Variants in EPS15 observed in about 807,000 individuals in gnomAD.
EPS15 encodes the protein epidermal growth factor receptor pathway substrate 15.
EPS15 carries 72 observed loss-of-function variants against 113.8 expected under a neutral mutation model. The observed-to-expected ratio is 0.63, with a 90% confidence interval of 0.52 to 0.77. The LOEUF is 0.77. EPS15 is among the 30% of genes least tolerant of loss of function. The pLI is 0.00. For synonymous variants in EPS15, 344 were observed against 363.4 expected, an observed-to-expected ratio of 0.95 and a Z score of 0.61; for missense variants, 1,048 against 1,045.8, an observed-to-expected ratio of 1.00 and a Z score of -0.03.
intron 20 of EPS15, among the ~76,000 whole-genome samples, chr1:51,398,004 T>A (rs1405264080): frequency 6.6e-6 from 1 of 152,046 alleles, no homozygotes; most frequent in East Asian, 1.9e-4. Context: ...GTTAAAATAT[T>A]TCATTACATT....
rs540343578 is a variant in EPS15 at position 51,474,109 on chromosome 1, T to A, written c.76-1161A>T. 3.3e-5 allele frequency among the ~76,000 whole-genome samples: 5 copies of A among 152,354 alleles called. No homozygotes were observed. In the South Asian group the frequency reaches 1.0e-3, roughly 32 times the overall value. On this transcript the variant is annotated intron_variant, in intron 2 of 24. Transcript: ENST00000371733. ...ATGTACTGTATCCCAATTAAGAATTTTACTATCTTCCATTCTTTTGGTTAC... is the reference window on the plus strand; with the variant it reads ...ATGTACTGTATCCCAATTAAGAATTATACTATCTTCCATTCTTTTGGTTAC...
At chr1:51,441,676 A>G (rs575220402) in intron 11 of EPS15, among the ~76,000 whole-genome samples, 9 of 152,222 alleles carry the variant, frequency 5.9e-5, no homozygotes, top group African/African-American at 2.2e-4. Context: ...TTTAAATTCC[A>G]CTAGTTAATT....
At chr1:51,476,197 G>A (rs1421957832) in intron 2 of EPS15, among the ~76,000 whole-genome samples, 1 of 152,092 alleles carries the variant, frequency 6.6e-6, no homozygotes, top group Non-Finnish European at 1.5e-5. Context: ...ACCATTTTTG[G>A]TTCCATATGA....
chr1:51,461,220 GA>G, intron 7 of EPS15, 70 bp from the exon 8 acceptor site: 1 of 1,137,350 alleles, frequency 8.8e-7, no homozygotes, highest in Non-Finnish European at 1.3e-6. Flanking sequence ...GGCAAGAAAA[GA>G]AAGTTTATGA....
At chr1:51,449,803 T>G (rs1338560234) in intron 8 of EPS15, among the ~76,000 whole-genome samples, 1 of 151,306 alleles carries the variant, frequency 6.6e-6, no homozygotes, top group Non-Finnish European at 1.5e-5. Context: ...TGGCTGAGGG[T>G]GCAATCTTGG....
chr1:51,508,272 GAA>G (rs1491568080), intron 1 of EPS15, among the ~76,000 whole-genome samples: 110 of 122,954 alleles, frequency 8.9e-4, no homozygotes, highest in South Asian at 4.0e-3. Context: ...GAGAGAGAGA[GAA>G]AGAGAGAAAG....
chr1:51,402,169 C>CACATACATACATACATACAT (rs537916848), intron 18 of EPS15, among the ~76,000 whole-genome samples: 48 of 150,614 alleles, frequency 3.2e-4, no homozygotes, highest in African/African-American at 6.4e-4. Flanking sequence ...AATAAATACA[C>CACATACATACATACATACAT]ACATACATAC....
rs1654637162 is a variant in EPS15 at position 51,463,679 on chromosome 1, A to G, written c.495T>C (p.Leu165=). Residue 165 remains leucine, a synonymous_variant, in exon 7 of 25, where the codon CTT becomes CTC. Transcript: ENST00000371733. ...LLNSKLPVDI[L]GRVWELSDID... ...GGAGTAAATAATATCTTACTCTTCC[A>G]AGGATATCCACAGGTAACTTAGAGT... 3.2e-6 allele frequency: 5 copies of G among 1,583,482 alleles called. No homozygotes were observed. In the South Asian group the frequency reaches 4.5e-5, roughly 14 times the overall value.
rs531130260 is a variant in EPS15, at chr1:51,485,765, T to C, written c.34-4451A>G. Among the ~76,000 whole-genome samples, 24 of 152,310 alleles carry C rather than the reference T, an allele frequency of 1.6e-4. No individual in the cohort carries two copies. The South Asian group carries it at 4.8e-3, about 30-fold the overall frequency. ...CACGAGATTTCATTTTGAAATTTTA[T>C]CATTATATTTTGGAATGAATTTTAG... is the stretch of plus-strand genomic sequence containing the variant. On this transcript the variant is annotated intron_variant, in intron 1 of 24. Coordinates refer to ENST00000371733, the MANE Select transcript of EPS15 (RefSeq NM_001981.3).
At chr1:51,372,496 T>G (rs1447543940) in intron 21 of EPS15, 1 of 532,762 alleles carries the variant, frequency 1.9e-6, no homozygotes, top group Non-Finnish European at 3.8e-6. Flanking sequence ...TTGGAAAACA[T>G]GTATGGAATG....
intron 24 of EPS15, among the ~76,000 whole-genome samples, chr1:51,358,178 T>A (rs776222812): frequency 4.6e-5 from 7 of 152,040 alleles, no homozygotes; most frequent in Admixed American, 4.6e-4. Flanking sequence ...GTGGTGCACA[T>A]CTGTAGTTCC....
intron 2 of EPS15, among the ~76,000 whole-genome samples, chr1:51,477,428 A>G (rs1380406307): frequency 6.6e-6 from 1 of 151,900 alleles, no homozygotes; most frequent in Non-Finnish European, 1.5e-5. Flanking sequence ...TGATTTTTTG[A>G]AGGGTTTTTT....
At chr1:51,375,608 A>T (rs546151290) in intron 21 of EPS15, among the ~76,000 whole-genome samples, 1 of 152,328 alleles carries the variant, frequency 6.6e-6, no homozygotes, top group East Asian at 1.9e-4. Flanking sequence ...CAAGTAAACT[A>T]ATTAAATAAA....
intron 21 of EPS15, among the ~76,000 whole-genome samples, chr1:51,367,878 T>A (rs1646542434): frequency 6.6e-6 from 1 of 152,224 alleles, no homozygotes; most frequent in Non-Finnish European, 1.5e-5. Flanking sequence ...ACGCCTGTAA[T>A]CCCGGCACTT....
At position 51,432,336 on chromosome 1, in the gene EPS15, ATGTATGTATG is replaced by A. The variant is rs1336219082; in HGVS notation, c.1040+8001_1040+8010del. On this transcript the variant is annotated intron_variant, in intron 12 of 24. Coordinates refer to ENST00000371733, the MANE Select transcript of EPS15 (RefSeq NM_001981.3). The stretch of plus-strand genomic sequence containing the variant: ...TATGTATGTATGTATGTATGTATGT[ATGTATGTATG>A]TATATATTTAATAGAGACTTGCTTT... Among the ~76,000 whole-genome samples, 45 of 151,884 alleles carry A rather than the reference ATGTATGTATG, an allele frequency of 3.0e-4. 1 individual carries two copies. Among genetic ancestry groups the A allele is most frequent in the African/African-American group, 1.0e-3 (43 of 41,440 alleles).
chr1:51,451,101 T>C (rs963897167), intron 8 of EPS15, among the ~76,000 whole-genome samples: 31 of 151,904 alleles, frequency 2.0e-4, no homozygotes, highest in Non-Finnish European at 3.4e-4. Flanking sequence ...CTGTTAACTA[T>C]GAAAAAGTAT....
chr1:51,363,943 G>C lies in EPS15; in HGVS notation c.2282C>G (p.Ser761Trp), dbSNP rs773890979. The C allele has an allele frequency of 1.2e-6, 2 of 1,613,716 alleles. No homozygotes were observed. Among genetic ancestry groups the C allele is most frequent in the African/African-American group, 1.3e-5 (1 of 75,014 alleles). Residue 761 changes from serine (S) to tryptophan (W), a missense_variant, in exon 23 of 25, where the codon TCG becomes TGG. Transcript: ENST00000371733. The part of the protein sequence containing the change: ...VITKNVFEET[S>W]VKSEDEPPAL... ...TGGGGGTTCATCTTCACTTTTGACC[G>C]ATGTTTCCTCAAATACATTTTTTGT...
At chr1:51,500,786 C>G (rs984252031) in intron 1 of EPS15, among the ~76,000 whole-genome samples, 4 of 151,756 alleles carry the variant, frequency 2.6e-5, no homozygotes, top group African/African-American at 9.7e-5. Context: ...AGTTTCAGAA[C>G]CAGCCTGGCC....
intron 21 of EPS15, among the ~76,000 whole-genome samples, chr1:51,387,475 A>T (rs1647115245): frequency 6.6e-6 from 1 of 152,258 alleles, no homozygotes; most frequent in African/African-American, 2.4e-5. Flanking sequence ...AACAATATTA[A>T]CTTTAAATGT....
Sources: allele counts gnomAD v4.1 joint callset (sites outside exome capture counted in the v4.1 genomes callset), GRCh38; gene constraint gnomAD v4.1.1; transcripts MANE v1.5; gene names NCBI Gene and HGNC (gene_info 2026-07-23, HGNC 2026-07-21).